The following MAST1 variants were observed in gnomAD, a reference collection of about 807,000 sequenced individuals.
MAST1 encodes microtubule-associated serine/threonine-protein kinase 1.
In MAST1, 40 loss-of-function variants were observed where a neutral mutation model predicts 124.6. The observed-to-expected ratio is 0.32, with a 90% confidence interval of 0.25 to 0.42. The LOEUF (loss-of-function observed/expected upper bound fraction) is 0.42, where lower values mean the gene tolerates loss of function less well. Ranked by LOEUF, MAST1 falls within the 10% of genes least tolerant of loss-of-function variation. The pLI is 1.00. For missense variants in MAST1, 1,558 were observed against 2,181.9 expected, an observed-to-expected ratio of 0.71 and a Z score of 5.70; for synonymous variants, 938 against 939.4, an observed-to-expected ratio of 1.00 and a Z score of 0.03.
chr19:12,849,003 C>T (rs1318897850), intron 7 of MAST1: 1 of 152,142 alleles, frequency 6.6e-6, no homozygotes, highest in Non-Finnish European at 1.5e-5. Flanking sequence ...TTAAACTCTA[C>T]TCACATTTAT....
At position 12,838,812 on chromosome 19, in the gene MAST1, G is replaced by T. The variant is rs1384234616; in HGVS notation, c.83+157G>T. Among the ~76,000 whole-genome samples the T allele has an allele frequency of 6.6e-6, 1 of 151,972 alleles. No homozygotes were observed. Among genetic ancestry groups the T allele is most frequent in the Non-Finnish European group, 1.5e-5 (1 of 67,948 alleles). On this transcript the variant is annotated intron_variant, in intron 1 of 25. Coordinates refer to ENST00000251472, the MANE Select transcript of MAST1 (RefSeq NM_014975.3). The surrounding 1 kb of genome is among the most constrained non-coding windows in gnomAD (Gnocchi z 4.3). ...CCCGCCGGGGTTGGGGTTGAATGGGGGGTGGTGTGGGCCGAGTCTGGGGGG... is the reference window on the plus strand; with the variant it reads ...CCCGCCGGGGTTGGGGTTGAATGGGTGGTGGTGTGGGCCGAGTCTGGGGGG...
chr19:12,864,794 T>C lies in MAST1; in HGVS notation c.1367-15T>C, dbSNP rs7256794. On this transcript the variant is annotated splice_polypyrimidine_tract_variant and intron_variant, in intron 12 of 25. Coordinates refer to ENST00000251472, the MANE Select transcript of MAST1 (RefSeq NM_014975.3). ...ATGCCTCCCTTTTTATGCGGGCCCATTTCCTGGCCTGCAGGCGGCGACTGT... is the reference window on the plus strand; with the variant it reads ...ATGCCTCCCTTTTTATGCGGGCCCACTTCCTGGCCTGCAGGCGGCGACTGT... 61,332 of 1,613,150 alleles carry C rather than the reference T, an allele frequency of 0.038. 1,327 individuals are homozygous for C. The highest frequency in any genetic ancestry group is 0.077 in the African/African-American group (5,765 of 75,000).
At chr19:12,872,971 A>G (rs1452041919) in intron 24 of MAST1, among the ~76,000 whole-genome samples, 1 of 151,242 alleles carries the variant, frequency 6.6e-6, no homozygotes, top group Non-Finnish European at 1.5e-5. Context: ...AGTGGCCTAA[A>G]GTTGGGCGGG....
intron 24 of MAST1, 115 bp downstream of exon 24, chr19:12,871,287 C>G: frequency 6.9e-7 from 1 of 1,457,722 alleles, no homozygotes; most frequent in East Asian, 2.3e-5. Context: ...GAACAAATGA[C>G]CAACAAGCAA....
chr19:12,851,802 G>A lies in MAST1; in HGVS notation c.775-132G>A, dbSNP rs1969962946. On this transcript the variant is annotated intron_variant, in intron 7 of 25. Coordinates refer to ENST00000251472, the MANE Select transcript of MAST1 (RefSeq NM_014975.3). ...TGCCCAGCCTCATTATTTTTACTGT[G>A]TGGCTTGGGCTTCAGTCTCCTCACC... 6 of 671,086 alleles carry A rather than the reference G, an allele frequency of 8.9e-6. No individual in the cohort carries two copies. In the South Asian group the frequency reaches 1.1e-4, roughly 13 times the overall value. 41.6% of individuals were successfully genotyped at this position (671,086 alleles called of 1,614,324 possible).
intron 7 of MAST1, among the ~76,000 whole-genome samples, chr19:12,850,962 T>C (rs1041867048): frequency 2.0e-5 from 3 of 151,436 alleles, no homozygotes; most frequent in African/African-American, 7.3e-5. Context: ...CTTTTTTTTT[T>C]TTTTTGAGAC....
At chr19:12,864,046 T>C (rs1205606912) in intron 12 of MAST1, among the ~76,000 whole-genome samples, 2 of 151,026 alleles carry the variant, frequency 1.3e-5, no homozygotes, top group Non-Finnish European at 2.9e-5. Context: ...TGCCTTAGCC[T>C]CCCGAGTAGC....
chr19:12,866,765 G>T lies in MAST1; in HGVS notation c.2139+3G>T. On this transcript the variant is annotated splice_donor_region_variant and intron_variant, in intron 18 of 25. Transcript: ENST00000251472. This position sits in a 1 kb window ranked among gnomAD's most constrained non-coding sequence, Gnocchi z 5.2. ...CCTGCTCTCCGCGCTTCAGCAAGGTGGGCCAAGTCTGGGTGTGGGACAGGG... is the reference window on the plus strand; with the variant it reads ...CCTGCTCTCCGCGCTTCAGCAAGGTTGGCCAAGTCTGGGTGTGGGACAGGG... The T allele has an allele frequency of 2.5e-6, 4 of 1,611,638 alleles. No homozygotes were observed. Among genetic ancestry groups the T allele is most frequent in the Non-Finnish European group, 3.4e-6 (4 of 1,178,698 alleles).
chr19:12,851,502 T>A (rs895908048), intron 7 of MAST1, among the ~76,000 whole-genome samples: 2 of 151,956 alleles, frequency 1.3e-5, no homozygotes, highest in Non-Finnish European at 1.5e-5. Flanking sequence ...TTGCTTTTGT[T>A]TTGAGACAGA....
chr19:12,865,812 G>C lies in MAST1; in HGVS notation c.1900G>C (p.Gly634Arg). The C allele has an allele frequency of 6.2e-7, 1 of 1,613,018 alleles. No individual in the cohort carries two copies. The highest frequency in any genetic ancestry group is 8.5e-7 in the Non-Finnish European group (1 of 1,179,496). The change falls in exon 16 of 26, where the codon GGG becomes CGG. Residue 634 changes from glycine (G) to arginine (R), a missense_variant. Physicochemically the swap from Gly to Arg is moderately radical, Grantham distance 125. This residue lies in a region of MAST1 where 145 missense variants were observed against 350.0 expected (regional missense o/e 0.41). Coordinates refer to ENST00000251472, the MANE Select transcript of MAST1 (RefSeq NM_014975.3). The surrounding 1 kb of genome is among the most constrained non-coding windows in gnomAD (Gnocchi z 7.1). ...LLQTNPLVRL[G>R]AGGAFEVKQH... ...GCAGACCAACCCTCTGGTCAGGCTT[G>C]GGGCAGGTAAGTCCGCCATGCAGAG...
Position 12,841,089 on chromosome 19 carries a change from C to A in MAST1, c.248+23C>A. ...AAGGTGAGTCCCTCCCCTCCAGGGC[C>A]CCAGAACCCTGGGCAGACCCTCCCC... is the stretch of plus-strand genomic sequence containing the variant. On this transcript the variant is annotated intron_variant, in intron 3 of 25. Coordinates refer to ENST00000251472, the MANE Select transcript of MAST1 (RefSeq NM_014975.3). The surrounding 1 kb of genome is among the most constrained non-coding windows in gnomAD (Gnocchi z 4.3). 7.8e-7 allele frequency: 1 copy of A among 1,274,158 alleles called. No homozygotes were observed. The highest frequency in any genetic ancestry group is 1.1e-6 in the Non-Finnish European group (1 of 871,238). 78.9% of individuals were successfully genotyped at this position (1,274,158 alleles called of 1,614,324 possible). A position where few individuals can be genotyped will look rare whatever the true frequency, so the allele number is the denominator to read the frequency against.
At chr19:12,839,949 A>G (rs1969805981) in intron 1 of MAST1, among the ~76,000 whole-genome samples, 1 of 152,232 alleles carries the variant, frequency 6.6e-6, no homozygotes, top group Non-Finnish European at 1.5e-5. Flanking sequence ...CCTGTGTTAC[A>G]GCACACATTG....
chr19:12,856,896 A>G (rs1270533272), intron 10 of MAST1, among the ~76,000 whole-genome samples: 1 of 152,210 alleles, frequency 6.6e-6, no homozygotes, highest in Non-Finnish European at 1.5e-5. Flanking sequence ...GTCAAAGGGA[A>G]CATGTATTTG....
chr19:12,842,008 G>A (rs1037202694), intron 3 of MAST1, among the ~76,000 whole-genome samples: 2 of 152,176 alleles, frequency 1.3e-5, no homozygotes, highest in Admixed American at 6.6e-5. Context: ...CCAATAAATG[G>A]GGTGTGTGTG....
In MAST1 at chr19:12,865,421, G is replaced by C; in HGVS notation, c.1744G>C (p.Val582Leu). ...AMGIILYEFL[V>L]GCVPFFGDTP... ...GGGGATCATCCTCTACGAGTTCCTG[G>C]TGGGCTGTGTGCCCTTCTTCGGAGA... Residue 582 changes from valine (V) to leucine (L), a missense_variant, in exon 15 of 26, where the codon GTG (valine) becomes CTG (leucine). Coordinates refer to ENST00000251472, the MANE Select transcript of MAST1 (RefSeq NM_014975.3). This position sits in a 1 kb window ranked among gnomAD's most constrained non-coding sequence, Gnocchi z 7.1. The C allele has an allele frequency of 1.2e-6, 2 of 1,610,726 alleles. No individual in the cohort carries two copies. Among genetic ancestry groups the C allele is most frequent in the Non-Finnish European group, 1.7e-6 (2 of 1,178,336 alleles).
chr19:12,849,250 C>T (rs1412146560), intron 7 of MAST1, among the ~76,000 whole-genome samples: 1 of 152,064 alleles, frequency 6.6e-6, no homozygotes, highest in African/African-American at 2.4e-5. Context: ...TGTCCCTTTG[C>T]AGTGGCATGC....
At chr19:12,846,335 G>A (rs970850840) in intron 4 of MAST1, among the ~76,000 whole-genome samples, 1 of 152,070 alleles carries the variant, frequency 6.6e-6, no homozygotes, top group Admixed American at 6.6e-5. Flanking sequence ...TTACAGGTGT[G>A]AGTCACCATA....
intron 12 of MAST1, 164 bp downstream of exon 12, chr19:12,858,903 A>G: frequency 3.0e-6 from 2 of 662,536 alleles, no homozygotes; most frequent in South Asian, 3.7e-5. Context: ...TTCTACCTAT[A>G]TATTTATTCA....
Position 12,847,502 on chromosome 19 carries a change from T to TG in MAST1, c.488+53dup. The TG allele has an allele frequency of 6.2e-7, 1 of 1,610,982 alleles. No individual in the cohort carries two copies. Among genetic ancestry groups the TG allele is most frequent in the Non-Finnish European group, 8.5e-7 (1 of 1,178,180 alleles). On this transcript the variant is annotated intron_variant, in intron 5 of 25. Transcript: ENST00000251472. The surrounding 1 kb of genome is among the most constrained non-coding windows in gnomAD (Gnocchi z 5.5). ...ACCAAGCTAGTGGTCTTAGGACTTG[T>TG]GCTTAGAGAGACCCCTGTCCCCGCG...
Sources: allele counts gnomAD v4.1 joint callset (sites outside exome capture counted in the v4.1 genomes callset), GRCh38; gene constraint gnomAD v4.1.1; regional missense constraint gnomAD v4.1.1; non-coding constraint Gnocchi (gnomAD v3.1); transcripts MANE v1.5; gene names NCBI Gene and HGNC (gene_info 2026-07-23, HGNC 2026-07-21).